Variants in IMMP2L observed in about 807,000 individuals in gnomAD.
IMMP2L encodes mitochondrial inner membrane protease subunit 2.
In IMMP2L, 18 loss-of-function variants were observed where a neutral mutation model predicts 19.3. The observed-to-expected ratio is 0.93, with a 90% CI of 0.64 to 1.38. The LOEUF is 1.38. Ranked by LOEUF, IMMP2L falls within the 40% of genes most tolerant of loss-of-function variation. The probability of loss-of-function intolerance (pLI) is 0.00; values close to 1 mark genes in which losing one functional copy is unlikely to be tolerated. For synonymous variants in IMMP2L, 76 were observed against 73.0 expected (o/e 1.04, Z -0.21); for missense variants, 233 against 218.2 (o/e 1.07, Z -0.43).
At chr7:111,430,749 T>C (rs1014575426) in intron 3 of IMMP2L, among the ~76,000 whole-genome samples, 1 of 151,500 alleles carries the variant, frequency 6.6e-6, no homozygotes. Flanking sequence ...CCTATACCAG[T>C]TCATGAATAT....
intron 5 of IMMP2L, 73 bp downstream of exon 5, chr7:110,886,520 A>C: frequency 1.2e-6 from 1 of 823,242 alleles, no homozygotes. Flanking sequence ...TTACCTGAAT[A>C]ACCTATCTGA....
chr7:111,367,478 G>GC (rs1554468557), intron 3 of IMMP2L, among the ~76,000 whole-genome samples: 2 of 135,460 alleles, frequency 1.5e-5, no homozygotes, highest in Non-Finnish European at 3.1e-5. Context: ...CAGCAAAAAG[G>GC]CTTTTTTTTT....
At chr7:110,914,954 T>C (rs564321397) in intron 4 of IMMP2L, among the ~76,000 whole-genome samples, 6 of 152,120 alleles carry the variant, frequency 3.9e-5, no homozygotes, top group Non-Finnish European at 8.8e-5. Context: ...GTGTTGGTGA[T>C]GGTGAGGAGA....
At chr7:110,853,315 G>A (rs1386149929) in intron 5 of IMMP2L, among the ~76,000 whole-genome samples, 3 of 151,796 alleles carry the variant, frequency 2.0e-5, no homozygotes, top group Non-Finnish European at 2.9e-5. Flanking sequence ...ACATGTATTA[G>A]TTTTATCAGA....
intron 3 of IMMP2L, among the ~76,000 whole-genome samples, chr7:110,996,037 C>T (rs1563144070): frequency 6.6e-6 from 1 of 152,124 alleles, no homozygotes; most frequent in Non-Finnish European, 1.5e-5. Context: ...AGCTTTACCA[C>T]TTTACCTTTG....
intron 3 of IMMP2L, among the ~76,000 whole-genome samples, chr7:111,333,657 A>T (rs1438441619): frequency 6.6e-6 from 1 of 152,202 alleles, no homozygotes; most frequent in Non-Finnish European, 1.5e-5. Context: ...CCTCAATCTT[A>T]GTGGGCACCA....
chr7:111,316,510 G>C (rs368814079), intron 3 of IMMP2L, among the ~76,000 whole-genome samples: 17 of 152,110 alleles, frequency 1.1e-4, no homozygotes, highest in African/African-American at 4.1e-4. Context: ...AATTAATCCA[G>C]GTTCTTATTC....
intron 3 of IMMP2L, among the ~76,000 whole-genome samples, chr7:111,481,250 A>T (rs1469735289): frequency 6.6e-6 from 1 of 152,206 alleles, no homozygotes; most frequent in Non-Finnish European, 1.5e-5. Context: ...GAGTAAAATA[A>T]GAGATGTAGA....
At chr7:111,284,952 T>C (rs1820327513) in intron 3 of IMMP2L, among the ~76,000 whole-genome samples, 1 of 152,134 alleles carries the variant, frequency 6.6e-6, no homozygotes, top group Non-Finnish European at 1.5e-5. Flanking sequence ...TGCAAATTAA[T>C]ATGTGCCATC....
intron 3 of IMMP2L, among the ~76,000 whole-genome samples, chr7:111,449,252 AC>A (rs1488459297): frequency 2.1e-5 from 3 of 143,014 alleles, no homozygotes; most frequent in Non-Finnish European, 4.5e-5. Flanking sequence ...CAGAGACACA[AC>A]AAAAAAAGAG....
At chr7:111,560,183 T>A (rs1252195369) in intron 1 of IMMP2L, among the ~76,000 whole-genome samples, 1 of 152,146 alleles carries the variant, frequency 6.6e-6, no homozygotes, top group African/African-American at 2.4e-5. Context: ...AGTGGACTCA[T>A]AGGAAACTCA....
chr7:111,451,692 C>A (rs1463404294), intron 3 of IMMP2L, among the ~76,000 whole-genome samples: 1 of 143,048 alleles, frequency 7.0e-6, no homozygotes, highest in Non-Finnish European at 1.5e-5. Context: ...TGCACATGTA[C>A]CCTAAAACTT....
At chr7:110,950,493 G>C (rs1289582803) in intron 4 of IMMP2L, among the ~76,000 whole-genome samples, 3 of 151,890 alleles carry the variant, frequency 2.0e-5, no homozygotes, top group African/African-American at 7.2e-5. Context: ...AAGTGGTTCA[G>C]CTTCTATGGA....
At chr7:110,926,142 T>C (rs1814826287) in intron 4 of IMMP2L, among the ~76,000 whole-genome samples, 1 of 152,060 alleles carries the variant, frequency 6.6e-6, no homozygotes, top group African/African-American at 2.4e-5. Context: ...AGTATTCATA[T>C]TCTACAGTAA....
chr7:110,953,327 C>G (rs1818025049), intron 4 of IMMP2L, among the ~76,000 whole-genome samples: 1 of 151,804 alleles, frequency 6.6e-6, no homozygotes, highest in Admixed American at 6.6e-5. Context: ...GTCCCCCACC[C>G]CCCGACAGGC....
At chr7:110,787,335 T>C (rs190505954) in intron 5 of IMMP2L, among the ~76,000 whole-genome samples, 3 of 152,092 alleles carry the variant, frequency 2.0e-5, no homozygotes, top group African/African-American at 7.2e-5. Flanking sequence ...TTCTTGAAGC[T>C]TTTATCTCTT....
In IMMP2L at chr7:111,269,994, A is replaced by G. The variant is rs544205240; in HGVS notation, c.239+217244T>C. On this transcript the variant is annotated intron_variant, in intron 3 of 5. Transcript: ENST00000405709. The stretch of plus-strand genomic sequence containing the variant: ...TCACTCTTTGGTACTGCATGTTATT[A>G]TATTAACCTATACAAACCCTATTCC... Among the ~76,000 whole-genome samples, 22 of 151,700 alleles carry G rather than the reference A, an allele frequency of 1.5e-4. No individual in the cohort carries two copies. The East Asian group carries it at 3.7e-3, about 25-fold the overall frequency.
chr7:111,047,469 T>G (rs1585942687), intron 3 of IMMP2L, among the ~76,000 whole-genome samples: 1 of 152,308 alleles, frequency 6.6e-6, no homozygotes, highest in East Asian at 1.9e-4. Flanking sequence ...AATACAGGCA[T>G]GAGCCACCGT....
chr7:111,102,398 C>A (rs17158330), intron 3 of IMMP2L, among the ~76,000 whole-genome samples: 3,917 of 151,518 alleles, frequency 0.026, 170 homozygotes, highest in African/African-American at 0.09. Flanking sequence ...CTCTTAGCTG[C>A]TGGAGTTTAG....
Sources: gnomAD v4.1 joint callset for allele counts (sites outside exome capture counted in the v4.1 genomes callset) on GRCh38, gnomAD v4.1.1 for gene constraint, MANE v1.5 for transcripts, NCBI Gene and HGNC (gene_info 2026-07-23, HGNC 2026-07-21) for gene names.